Variants in ZNF385A observed in about 807,000 individuals in gnomAD.
The protein encoded by ZNF385A is hematopoietic zinc finger protein.
A neutral mutation model predicts 32.1 loss-of-function variants in ZNF385A; 14 were observed. The ratio of observed to expected loss-of-function variants is 0.44; its 90% CI spans 0.29 to 0.68. The LOEUF is 0.68. Ranked by LOEUF, ZNF385A falls within the 30% of genes least tolerant of loss-of-function variation. The pLI is 0.14. For synonymous variants in ZNF385A, 197 were observed against 202.7 expected (o/e 0.97, Z 0.24); for missense variants, 406 against 478.4 (o/e 0.85, Z 1.41).
At chr12:54,382,557 C>T (rs946298849) in intron 1 of ZNF385A, among the ~76,000 whole-genome samples, 1 of 152,102 alleles carries the variant, frequency 6.6e-6, no homozygotes, top group African/African-American at 2.4e-5. Context: ...TTTTTGCTTT[C>T]TTATTTGTTA....
At position 54,370,139 on chromosome 12, in the gene ZNF385A, G is replaced by T; in HGVS notation, c.*117C>A. 2 of 718,202 alleles carry T rather than the reference G, an allele frequency of 2.8e-6. No homozygotes were observed. Among genetic ancestry groups the T allele is most frequent in the Non-Finnish European group, 1.9e-6 (1 of 521,852 alleles). The allele number at this position is 718,202 out of a possible 1,614,324, so 44.5% of individuals were successfully genotyped here. A position where few individuals can be genotyped will look rare whatever the true frequency, so the allele number is the denominator to read the frequency against. On this transcript the variant is annotated 3_prime_UTR_variant, in exon 7 of 7. Coordinates refer to ENST00000394313, the MANE Select transcript of ZNF385A (RefSeq NM_015481.3). This position sits in a 1 kb window ranked among gnomAD's most constrained non-coding sequence, Gnocchi z 5.5. ...TCCTGGAACCCCGTATCTCGGGGTG[G>T]GGGGGGGGAAGGAGAGATCATTTAG...
chr12:54,384,914 C>A, upstream of ZNF385A: 1 of 1,045,956 alleles, frequency 9.6e-7, no homozygotes, highest in Non-Finnish European at 1.1e-6. Flanking sequence ...AGCCCCTGGC[C>A]ACCCTCTTCT....
At position 54,370,317 on chromosome 12, in the gene ZNF385A, A is replaced by G. The variant is rs1260052661; in HGVS notation, c.1040T>C (p.Leu347Pro). 1 of 1,493,908 alleles carries G rather than the reference A, an allele frequency of 6.7e-7. No individual in the cohort carries two copies. Among genetic ancestry groups the G allele is most frequent in the Non-Finnish European group, 8.9e-7 (1 of 1,121,206 alleles). 92.5% of individuals were successfully genotyped at this position (1,493,908 alleles called of 1,614,324 possible). A position where few individuals can be genotyped will look rare whatever the true frequency, so the allele number is the denominator to read the frequency against. ...TCGGATGGGTCCGGGGGCCGGGTGA[A>G]GCAGAGGGTGAGTGATCGGCGGTCC... The part of the protein sequence containing the change: ...LQGPPITHPL[L>P]HPAPGPIRTA... The change falls in exon 7 of 7, where the codon CTT (leucine) becomes CCT (proline). Residue 347 changes from leucine (L) to proline (P), a missense_variant. Transcript: ENST00000394313. The surrounding 1 kb of genome is among the most constrained non-coding windows in gnomAD (Gnocchi z 5.5).
Position 54,371,351 on chromosome 12 carries a change from C to T in ZNF385A, c.604+122G>A, listed in dbSNP as rs74089971. On this transcript the variant is annotated intron_variant, in intron 4 of 6. Coordinates refer to ENST00000394313, the MANE Select transcript of ZNF385A (RefSeq NM_015481.3). ...CAGGGGAGATGGCTGGAGAAGGAGA[C>T]AGGCAGATAGGCTGATAGGTCTTAG... 2,195 of 1,349,860 alleles carry T rather than the reference C, an allele frequency of 1.6e-3. 26 individuals carry two copies. In the African/African-American group the frequency reaches 0.028, roughly 17 times the overall value. The allele number at this position is 1,349,860 out of a possible 1,614,324, so 83.6% of individuals were successfully genotyped here. A position where few individuals can be genotyped will look rare whatever the true frequency, so the allele number is the denominator to read the frequency against.
At chr12:54,375,483 T>C (rs1438662063) in intron 2 of ZNF385A, among the ~76,000 whole-genome samples, 1 of 152,086 alleles carries the variant, frequency 6.6e-6, no homozygotes, top group African/African-American at 2.4e-5. Flanking sequence ...ATGACCTAAC[T>C]CTGCCCCATA....
chr12:54,371,338 C>A (rs1954540017), intron 4 of ZNF385A, 135 bp downstream of exon 4: 2 of 1,264,872 alleles, frequency 1.6e-6, no homozygotes, highest in Non-Finnish European at 1.1e-6. Context: ...GGGGAGATGG[C>A]TGGAGAAGGA....
intron 1 of ZNF385A, chr12:54,391,213 T>C: frequency 6.8e-7 from 1 of 1,463,316 alleles, no homozygotes; most frequent in Non-Finnish European, 9.1e-7. Context: ...GCCGGGAGCC[T>C]GGAGTCGCAG....
In ZNF385A at chr12:54,384,699, C is replaced by G; in HGVS notation, c.-185G>C. ...ACCCTCAGTGCACATAGTGTACACA[C>G]TTCCCCTGCTGGCTCCAGAGCAATG... On this transcript the variant is annotated 5_prime_UTR_variant, in exon 1 of 7. Transcript: ENST00000394313. 7.4e-7 allele frequency: 1 copy of G among 1,358,990 alleles called. No homozygotes were observed. 84.2% of individuals were successfully genotyped at this position (1,358,990 alleles called of 1,614,324 possible).
At chr12:54,385,732 CTGG>C, upstream of ZNF385A, 1 of 937,620 alleles carries the variant, frequency 1.1e-6, no homozygotes, top group South Asian at 4.9e-5. Context: ...CCCCAGGGGC[CTGG>C]GCCTGACAGC....
At chr12:54,374,222 A>T in intron 2 of ZNF385A, 87 bp from the exon 3 acceptor site, 1 of 1,303,862 alleles carries the variant, frequency 7.7e-7, no homozygotes, top group East Asian at 2.6e-5. Flanking sequence ...TCCTGGGGTG[A>T]TCTCAGCAGG....
intron 1 of ZNF385A, among the ~76,000 whole-genome samples, chr12:54,376,499 C>T (rs905242899): frequency 1.3e-5 from 2 of 152,222 alleles, no homozygotes; most frequent in African/African-American, 2.4e-5. Flanking sequence ...CACACACACT[C>T]TCTGGACCTC....
At chr12:54,388,817 C>T (rs1448718265), upstream of ZNF385A, among the ~76,000 whole-genome samples, 5 of 152,166 alleles carry the variant, frequency 3.3e-5, no homozygotes, top group African/African-American at 7.2e-5. Flanking sequence ...AAACTTTGAA[C>T]CCCTGGGTCT....
rs1428581475 is a variant in ZNF385A at position 54,370,076 on chromosome 12, C to A, written c.*180G>T. 5 of 492,836 alleles carry A rather than the reference C, an allele frequency of 1.0e-5. No individual in the cohort carries two copies. Among genetic ancestry groups the A allele is most frequent in the Non-Finnish European group, 1.8e-5 (5 of 285,134 alleles). The allele number at this position is 492,836 out of a possible 1,614,324, so 30.5% of individuals were successfully genotyped here. On this transcript the variant is annotated 3_prime_UTR_variant, in exon 7 of 7. Transcript: ENST00000394313. The surrounding 1 kb of genome is among the most constrained non-coding windows in gnomAD (Gnocchi z 5.5). ...TTCCCTGAGATCTGGGGTGTTCCCC[C>A]CCTTCTGAAGCCCCCCTCCCCCGCT...
At chr12:54,379,381 C>A (rs1955020300) in intron 1 of ZNF385A, among the ~76,000 whole-genome samples, 1 of 152,044 alleles carries the variant, frequency 6.6e-6, no homozygotes, top group Admixed American at 6.5e-5. Flanking sequence ...AGAGCTTGTT[C>A]TGAAGAGAAG....
rs1182401872 is a variant in ZNF385A, at chr12:54,370,179, A to T, written c.*77T>A. On this transcript the variant is annotated 3_prime_UTR_variant, in exon 7 of 7. Coordinates refer to ENST00000394313, the MANE Select transcript of ZNF385A (RefSeq NM_015481.3). This position sits in a 1 kb window ranked among gnomAD's most constrained non-coding sequence, Gnocchi z 5.5. ...AGATCATTTAGGGAGTGCCGGGAGG[A>T]GGGGCGGGCTGGGAGCCCGGACGCC... 3.0e-6 allele frequency: 3 copies of T among 1,012,042 alleles called. No homozygotes were observed. Among genetic ancestry groups the T allele is most frequent in the African/African-American group, 1.9e-5 (1 of 54,034 alleles). The allele number at this position is 1,012,042 out of a possible 1,614,324, so 62.7% of individuals were successfully genotyped here. A position where few individuals can be genotyped will look rare whatever the true frequency, so the allele number is the denominator to read the frequency against.
intron 1 of ZNF385A, among the ~76,000 whole-genome samples, chr12:54,384,107 C>T (rs1227699946): frequency 6.6e-6 from 1 of 152,204 alleles, no homozygotes; most frequent in Non-Finnish European, 1.5e-5. Flanking sequence ...TCCTACCTCC[C>T]TACTGTTACT....
chr12:54,385,620 G>A (rs1385458925), upstream of ZNF385A: 1 of 985,052 alleles, frequency 1.0e-6, no homozygotes. Flanking sequence ...TACTAGAGCA[G>A]AAGGTCTCCA....
At chr12:54,371,271 C>CA (rs1231538512) in intron 4 of ZNF385A, among the ~76,000 whole-genome samples, 175 bp from the exon 5 acceptor site, 2 of 151,988 alleles carry the variant, frequency 1.3e-5, no homozygotes, top group African/African-American at 4.8e-5. Flanking sequence ...AGGAGAGAGT[C>CA]ATAGGTAAAG....
upstream of ZNF385A, among the ~76,000 whole-genome samples, chr12:54,388,720 C>T (rs1161705209): frequency 1.3e-5 from 2 of 152,304 alleles, no homozygotes; most frequent in East Asian, 1.9e-4. Flanking sequence ...CAGATCTCTT[C>T]TCTAATTAAT....
Sources: gnomAD v4.1 joint callset for allele counts (sites outside exome capture counted in the v4.1 genomes callset) on GRCh38, gnomAD v4.1.1 for gene constraint, Gnocchi (gnomAD v3.1) non-coding constraint, MANE v1.5 for transcripts, NCBI Gene and HGNC (gene_info 2026-07-23, HGNC 2026-07-21) for gene names.